The following OR2L13 variants were observed in gnomAD, a reference collection of about 807,000 sequenced individuals.
OR2L13 encodes olfactory receptor 2L13.
Under a neutral mutation model 15.3 loss-of-function variants are expected in OR2L13, and 14 were observed. The observed-to-expected ratio is 0.91, with a 90% CI of 0.60 to 1.43. The LOEUF (loss-of-function observed/expected upper bound fraction) is 1.43, where lower values mean the gene tolerates loss of function less well. Ranked by LOEUF, OR2L13 falls within the 40% of genes most tolerant of loss-of-function variation. The pLI, the probability that OR2L13 is intolerant of heterozygous loss-of-function variation, is 0.00. For missense variants in OR2L13, 367 were observed against 387.9 expected (o/e 0.95, Z 0.45); for synonymous variants, 152 against 142.9 (o/e 1.06, Z -0.45).
At chr1:248,054,260 A>G in the OR2L13 span, among the ~76,000 whole-genome samples, 1 of 152,008 alleles carries the variant, frequency 6.6e-6, no homozygotes, top group Non-Finnish European at 1.5e-5. Context: ...TGAAGATCAG[A>G]TGGTTGTAGA....
At chr1:248,068,056 C>G in the OR2L13 span, among the ~76,000 whole-genome samples, 142 of 151,894 alleles carry the variant, frequency 9.3e-4, no homozygotes, top group African/African-American at 3.4e-3. Context: ...TAGGCTCCAC[C>G]TCTGGGGGCA....
At chr1:248,084,451 C>G in the OR2L13 span, 5 of 1,605,088 alleles carry the variant, frequency 3.1e-6, no homozygotes, top group Non-Finnish European at 3.4e-6. Flanking sequence ...CGGCCGGTCC[C>G]GGTGAATCAG....
chr1:248,014,385 A>G, the OR2L13 span, among the ~76,000 whole-genome samples: 1 of 152,184 alleles, frequency 6.6e-6, no homozygotes, highest in African/African-American at 2.4e-5. Flanking sequence ...CCATATGATT[A>G]GTAGCTATGC....
chr1:247,943,454 C>T, the OR2L13 span, among the ~76,000 whole-genome samples: 1 of 152,088 alleles, frequency 6.6e-6, no homozygotes, highest in African/African-American at 2.4e-5. Context: ...CAGGTGTCTG[C>T]TTTTATTTAC....
At chr1:248,097,477 T>A in intron 1 of OR2L13, 1 of 152,180 alleles carries the variant, frequency 6.6e-6, no homozygotes, top group East Asian at 1.9e-4. Flanking sequence ...TCCCATGACC[T>A]AAAATCTCCA....
chr1:248,006,824 C>T, the OR2L13 span, among the ~76,000 whole-genome samples: 1 of 152,178 alleles, frequency 6.6e-6, no homozygotes, highest in African/African-American at 2.4e-5. Context: ...AAGCTACCAT[C>T]TATGAACCAG....
At chr1:248,043,142 AC>A in the OR2L13 span, among the ~76,000 whole-genome samples, 6,375 of 152,104 alleles carry the variant, frequency 0.042, 433 homozygotes, top group African/African-American at 0.15. Flanking sequence ...GAGGATTTGC[AC>A]CCGCCCTGCT....
the OR2L13 span, among the ~76,000 whole-genome samples, chr1:248,036,874 C>G: frequency 1.3e-5 from 2 of 151,946 alleles, no homozygotes; most frequent in African/African-American, 4.8e-5. Flanking sequence ...TGGATCTTAA[C>G]AAAAAATTGA....
the OR2L13 span, chr1:248,084,738 G>A: frequency 7.8e-7 from 1 of 1,289,254 alleles, no homozygotes; most frequent in South Asian, 1.5e-5. Flanking sequence ...CTTCATCTCA[G>A]ACACAGATGG....
the OR2L13 span, chr1:248,022,148 C>G: frequency 1.6e-4 from 251 of 1,613,872 alleles, 2 homozygotes; most frequent in Admixed American, 3.1e-3. Context: ...AGCTCTCCCT[C>G]ATTGACCTAA....
At chr1:247,937,511 C>T in the OR2L13 span, 5 of 157,304 alleles carry the variant, frequency 3.2e-5, no homozygotes, top group Non-Finnish European at 5.7e-5. Context: ...GCCTCCTCTT[C>T]CATCAACCCC....
At chr1:248,004,365 A>G in the OR2L13 span, among the ~76,000 whole-genome samples, 1 of 152,208 alleles carries the variant, frequency 6.6e-6, no homozygotes, top group Non-Finnish European at 1.5e-5. Context: ...TGTCTAACCA[A>G]AGTTGGCACT....
At chr1:248,091,640 T>C (rs1664599942), upstream of OR2L13, among the ~76,000 whole-genome samples, 1 of 152,192 alleles carries the variant, frequency 6.6e-6, no homozygotes, top group South Asian at 2.1e-4. Flanking sequence ...CGTTGGTCTA[T>C]GCATCTGTCA....
the OR2L13 span, chr1:248,021,857 G>T: frequency 1.1e-6 from 1 of 950,032 alleles, no homozygotes; most frequent in Non-Finnish European, 1.6e-6. Context: ...TTCACTGGAG[G>T]CCTTGGAATG....
At chr1:247,973,338 G>T in the OR2L13 span, among the ~76,000 whole-genome samples, 1 of 152,126 alleles carries the variant, frequency 6.6e-6, no homozygotes, top group Non-Finnish European at 1.5e-5. Flanking sequence ...AAGTCCAATT[G>T]CCTCTGTTTG....
the OR2L13 span, among the ~76,000 whole-genome samples, chr1:247,948,150 C>T: frequency 6.6e-6 from 1 of 151,902 alleles, no homozygotes; most frequent in Admixed American, 6.6e-5. Context: ...AAGTTCAAGG[C>T]TGCAGTGAGC....
chr1:248,083,023 A>T, the OR2L13 span, among the ~76,000 whole-genome samples: 1 of 152,240 alleles, frequency 6.6e-6, no homozygotes, highest in Admixed American at 6.5e-5. Flanking sequence ...ACATAAATTT[A>T]AAAAGGTTTG....
chr1:248,038,821 C>A, the OR2L13 span: 1 of 1,614,130 alleles, frequency 6.2e-7, no homozygotes, highest in Admixed American at 1.7e-5. Context: ...GCTATGTTGA[C>A]GCTAGCCTGC....
chr1:247,973,898 T>C, the OR2L13 span, among the ~76,000 whole-genome samples: 2 of 152,298 alleles, frequency 1.3e-5, no homozygotes, highest in African/African-American at 2.4e-5. Flanking sequence ...GAACCAGAAA[T>C]ACCATTTGCT....
Sources: gnomAD v4.1 joint callset for allele counts (sites outside exome capture counted in the v4.1 genomes callset) on GRCh38, gnomAD v4.1.1 for gene constraint, MANE v1.5 for transcripts, NCBI Gene and HGNC (gene_info 2026-07-23, HGNC 2026-07-21) for gene names.